Variants in ARHGEF19 observed in about 807,000 individuals in gnomAD.
The protein encoded by ARHGEF19 is Rho guanine nucleotide exchange factor (GEF) 19.
Under a neutral mutation model 87.6 loss-of-function variants are expected in ARHGEF19, and 92 were observed. The ratio of observed to expected loss-of-function variants is 1.05; its 90% confidence interval spans 0.89 to 1.25. The LOEUF (loss-of-function observed/expected upper bound fraction) is 1.25. Among genes scored for constraint, ARHGEF19 ranks in the 50% most tolerant of loss-of-function variants. The pLI is 0.00. For synonymous variants in ARHGEF19, 438 were observed against 446.2 expected (o/e 0.98, Z 0.23); for missense variants, 1,054 against 1,051.8 (o/e 1.00, Z -0.03).
chr1:16,202,395 C>T, intron 13 of ARHGEF19, 21 bp downstream of exon 13: 1 of 1,595,164 alleles, frequency 6.3e-7, no homozygotes, highest in Non-Finnish European at 8.5e-7. Flanking sequence ...CCTCCTCTCT[C>T]CCATATCCAG....
chr1:16,206,954 C>A lies in ARHGEF19; in HGVS notation c.1131G>T (p.Leu377=). 6.7e-7 allele frequency: 1 copy of A among 1,490,962 alleles called. No individual in the cohort carries two copies. The highest frequency in any genetic ancestry group is 2.3e-5 in the Admixed American group (1 of 43,106). The allele number at this position is 1,490,962 out of a possible 1,614,324, so 92.4% of individuals were successfully genotyped here. ...GGTCCCCGCGCGCGCCCACCTCCTG[C>A]AGCTTGCAGTCCCGCAGGCTCAGCG... ...LATLSLRDCK[L]QEAKFELITS... Residue 377 remains leucine, a synonymous_variant, in exon 6 of 16, where the codon CTG becomes CTT. Coordinates refer to ENST00000270747, the MANE Select transcript of ARHGEF19 (RefSeq NM_153213.5). This position sits in a 1 kb window ranked among gnomAD's most constrained non-coding sequence, Gnocchi z 4.6.
chr1:16,201,708 C>A, intron 14 of ARHGEF19, 74 bp downstream of exon 14: 1 of 1,508,282 alleles, frequency 6.6e-7, no homozygotes. Flanking sequence ...AGCAACACAG[C>A]ACCCAGGATG....
chr1:16,211,006 G>T (rs555931412), intron 1 of ARHGEF19, among the ~76,000 whole-genome samples: 64 of 152,108 alleles, frequency 4.2e-4, no homozygotes, highest in Non-Finnish European at 8.2e-4. Context: ...GGGAAGAAGG[G>T]GACTGGCTGC....
Position 16,204,740 on chromosome 1 carries a change from C to A in ARHGEF19, c.1907+19G>T. The A allele has an allele frequency of 6.4e-7, 1 of 1,560,876 alleles. No homozygotes were observed. The highest frequency in any genetic ancestry group is 1.2e-5 in the South Asian group (1 of 83,690). ...CCTGGCTCCACTTTACCTACCCACC[C>A]CTGACTGCCCCGACTCACTCCTTCC... On this transcript the variant is annotated intron_variant, in intron 12 of 15. Coordinates refer to ENST00000270747, the MANE Select transcript of ARHGEF19 (RefSeq NM_153213.5).
chr1:16,206,971 G>A lies in ARHGEF19; in HGVS notation c.1114C>T (p.Leu372=). ...ACCTCCTGCAGCTTGCAGTCCCGCA[G>A]GCTCAGCGTGGCCAGGACGCCGCTG... ...RGSGVLATLS[L]RDCKLQEAKF... The change falls in exon 6 of 16, where the codon CTG becomes TTG. Residue 372 remains leucine (L), a synonymous_variant. Coordinates refer to ENST00000270747, the MANE Select transcript of ARHGEF19 (RefSeq NM_153213.5). The surrounding 1 kb of genome is among the most constrained non-coding windows in gnomAD (Gnocchi z 4.6). 2.7e-6 allele frequency: 4 copies of A among 1,507,922 alleles called. No homozygotes were observed. The highest frequency in any genetic ancestry group is 3.5e-6 in the Non-Finnish European group (4 of 1,133,478). The allele number at this position is 1,507,922 out of a possible 1,614,324, so 93.4% of individuals were successfully genotyped here.
rs1553142986 is a variant in ARHGEF19 at position 16,204,953 on chromosome 1, G to A, written c.1747-34C>T. The A allele has an allele frequency of 5.7e-6, 9 of 1,585,136 alleles. No homozygotes were observed. In the South Asian group the frequency reaches 1.0e-4, roughly 18 times the overall value. Reference sequence around the variant, plus strand: ...ATGGAGAAGGATGGGTCAGGCCCAGGGGCACCAGGCAGAGAGCACAAGATG... The same window carrying A: ...ATGGAGAAGGATGGGTCAGGCCCAGAGGCACCAGGCAGAGAGCACAAGATG... On this transcript the variant is annotated intron_variant, in intron 11 of 15. Transcript: ENST00000270747.
intron 12 of ARHGEF19, among the ~76,000 whole-genome samples, 169 bp downstream of exon 12, chr1:16,204,590 A>G (rs2081108062): frequency 6.6e-6 from 1 of 152,058 alleles, no homozygotes; most frequent in South Asian, 2.1e-4. Flanking sequence ...CTTGTCTCAC[A>G]TCTCTGCCTT....
chr1:16,210,997 G>T (rs1326768977), intron 1 of ARHGEF19, among the ~76,000 whole-genome samples: 1 of 152,080 alleles, frequency 6.6e-6, no homozygotes, highest in African/African-American at 2.4e-5. Flanking sequence ...TGGGAGGGTG[G>T]GAAGAAGGGG....
chr1:16,209,022 G>C lies in ARHGEF19; in HGVS notation c.33C>G (p.Pro11=), dbSNP rs758008565. The change falls in exon 2 of 16, where the codon CCC becomes CCG. Residue 11 remains proline, a synonymous_variant. Coordinates refer to ENST00000270747, the MANE Select transcript of ARHGEF19 (RefSeq NM_153213.5). MDCGPPATLQ[P]HLTGPPGTAH... is the part of the protein sequence containing the mutation. ...CAGTGCCAGGTGGCCCAGTCAGGTG[G>C]GGCTGGAGGGTAGCAGGTGGCCCAC... 1 of 1,499,848 alleles carries C rather than the reference G, an allele frequency of 6.7e-7. No individual in the cohort carries two copies. The highest frequency in any genetic ancestry group is 8.9e-7 in the Non-Finnish European group (1 of 1,126,202). The allele number at this position is 1,499,848 out of a possible 1,614,324, so 92.9% of individuals were successfully genotyped here.
chr1:16,205,412 C>T lies in ARHGEF19; in HGVS notation c.1595G>A (p.Arg532Gln), dbSNP rs759611521. The T allele has an allele frequency of 1.7e-5, 27 of 1,611,270 alleles. No individual in the cohort carries two copies. Among genetic ancestry groups the T allele is most frequent in the African/African-American group, 5.4e-5 (4 of 74,696 alleles). ...LKMLVENILK[R>Q]TAQGSEDEDM... The stretch of plus-strand genomic sequence containing the variant: ...TTCGTCTTCAGAGCCCTGTGCTGTC[C>T]GCTTCAGGATGTTCTGGAAGGTGGG... The change falls in exon 10 of 16, where the codon CGG (arginine) becomes CAG (glutamine). Residue 532 changes from arginine (R) to glutamine (Q), a missense_variant. By Grantham distance (43) the Arg-to-Gln change is conservative. Coordinates refer to ENST00000270747, the MANE Select transcript of ARHGEF19 (RefSeq NM_153213.5). This position sits in a 1 kb window ranked among gnomAD's most constrained non-coding sequence, Gnocchi z 5.8.
Position 16,198,809 on chromosome 1 carries a change from C to T in ARHGEF19, c.2252-65G>A. The T allele has an allele frequency of 1.3e-6, 2 of 1,519,934 alleles. No homozygotes were observed. The highest frequency in any genetic ancestry group is 2.1e-5 in the Admixed American group (1 of 47,048). 94.2% of individuals were successfully genotyped at this position (1,519,934 alleles called of 1,614,324 possible). A position where few individuals can be genotyped will look rare whatever the true frequency, so the allele number is the denominator to read the frequency against. On this transcript the variant is annotated intron_variant, in intron 15 of 15. Coordinates refer to ENST00000270747, the MANE Select transcript of ARHGEF19 (RefSeq NM_153213.5). The surrounding 1 kb of genome is among the most constrained non-coding windows in gnomAD (Gnocchi z 4.1). ...TACCAGGGCCAGGCCTGGAAGGGAA[C>T]ACCACAGCCCTGATGCAAGCTTTGT... is the stretch of plus-strand genomic sequence containing the variant.
At chr1:16,212,444 C>G (rs2081205439) in intron 1 of ARHGEF19, 58 bp downstream of exon 1, 1 of 152,856 alleles carries the variant, frequency 6.5e-6, no homozygotes, top group Non-Finnish European at 1.5e-5. Context: ...AGGGCTCACT[C>G]AGCGGGGAAA....
intron 2 of ARHGEF19, 105 bp from the exon 3 acceptor site, chr1:16,208,330 C>A: frequency 7.3e-7 from 1 of 1,377,980 alleles, no homozygotes; most frequent in Non-Finnish European, 9.7e-7. Context: ...AGGCACCATG[C>A]CCAAGGGAAG....
Position 16,206,743 on chromosome 1 carries a change from C to A in ARHGEF19, c.1137+205G>T, listed in dbSNP as rs1372669756. ...CCTACCCGCACCCAAGCCCGGCTCC[C>A]CTCGCCTCTCGCTCAGCGGCTTGCT... is the stretch of plus-strand genomic sequence containing the variant. On this transcript the variant is annotated intron_variant, in intron 6 of 15. Coordinates refer to ENST00000270747, the MANE Select transcript of ARHGEF19 (RefSeq NM_153213.5). This position sits in a 1 kb window ranked among gnomAD's most constrained non-coding sequence, Gnocchi z 4.6. Among the ~76,000 whole-genome samples the A allele has an allele frequency of 6.6e-6, 1 of 152,140 alleles. No homozygotes were observed. The highest frequency in any genetic ancestry group is 1.9e-4 in the East Asian group (1 of 5,186).
At chr1:16,203,382 G>A in intron 12 of ARHGEF19, among the ~76,000 whole-genome samples, 1 of 152,144 alleles carries the variant, frequency 6.6e-6, no homozygotes, top group Admixed American at 6.5e-5. Flanking sequence ...TGGTAGCTAT[G>A]TCCTGTCTTT....
At chr1:16,200,995 C>T (rs2081079882) in intron 14 of ARHGEF19, among the ~76,000 whole-genome samples, 1 of 152,156 alleles carries the variant, frequency 6.6e-6, no homozygotes, top group African/African-American at 2.4e-5. Context: ...GAAAGGATTG[C>T]TTGAGTCCAG....
At chr1:16,208,610 G>A (rs1010223397) in intron 2 of ARHGEF19, 33 bp downstream of exon 2, 1 of 1,563,582 alleles carries the variant, frequency 6.4e-7, no homozygotes, top group Non-Finnish European at 8.6e-7. Flanking sequence ...CCCTGCCATG[G>A]CACCCACACC....
chr1:16,209,101 T>C lies in ARHGEF19; in HGVS notation c.-29-18A>G. On this transcript the variant is annotated intron_variant, in intron 1 of 15. Transcript: ENST00000270747. Reference sequence around the variant, plus strand: ...ACCTGGCCCTGCAGAAGAGAAGATATCAGACCTAGACAGAGGACAGTGGGG... The same window carrying C: ...ACCTGGCCCTGCAGAAGAGAAGATACCAGACCTAGACAGAGGACAGTGGGG... The C allele has an allele frequency of 7.0e-7, 1 of 1,422,772 alleles. No individual in the cohort carries two copies. The allele number at this position is 1,422,772 out of a possible 1,614,324, so 88.1% of individuals were successfully genotyped here.
At position 16,205,543 on chromosome 1, in the gene ARHGEF19, C is replaced by T. The variant is rs1203828705; in HGVS notation, c.1576G>A (p.Val526Met). Residue 526 changes from valine to methionine, a missense_variant, in exon 9 of 16, where the codon GTG (valine) becomes ATG (methionine). Physicochemically the swap from Val to Met is conservative, Grantham distance 21. Coordinates refer to ENST00000270747, the MANE Select transcript of ARHGEF19 (RefSeq NM_153213.5). This position sits in a 1 kb window ranked among gnomAD's most constrained non-coding sequence, Gnocchi z 5.8. ...FQRITRLKML[V>M]ENILKRTAQG... ...GGCCTGTCCCCTCGAGGTACCTCCA[C>T]CAACATCTTGAGGCGGGTGATCCTC... 6.2e-7 allele frequency: 1 copy of T among 1,614,054 alleles called. No individual in the cohort carries two copies. The highest frequency in any genetic ancestry group is 1.1e-5 in the South Asian group (1 of 91,076).
Sources: gnomAD v4.1 joint callset for allele counts (sites outside exome capture counted in the v4.1 genomes callset) on GRCh38, gnomAD v4.1.1 for gene constraint, Gnocchi (gnomAD v3.1) non-coding constraint, MANE v1.5 for transcripts, NCBI Gene and HGNC (gene_info 2026-07-23, HGNC 2026-07-21) for gene names.